WNK2: variants seen among roughly 807,000 people sequenced by gnomAD.
The protein encoded by WNK2 is WNK lysine deficient protein kinase 2.
Under a neutral mutation model 192.1 loss-of-function variants are expected in WNK2, and 67 were observed. That is an observed-to-expected ratio of 0.35 (90% CI 0.29 to 0.43). The LOEUF is 0.43. Ranked by LOEUF, WNK2 falls within the 20% of genes least tolerant of loss-of-function variation. WNK2 has a pLI of 1.00. For missense variants in WNK2, 2,698 were observed against 3,089.7 expected (o/e 0.87, Z 3.01); for synonymous variants, 1,439 against 1,393.9 (o/e 1.03, Z -0.72).
At chr9:93,289,874 C>A in intron 20 of WNK2, 104 bp from the exon 21 acceptor site, 2 of 1,223,466 alleles carry the variant, frequency 1.6e-6, no homozygotes, top group Admixed American at 2.2e-5. Flanking sequence ...GCTGGGGCAG[C>A]CCAGGGGCAG....
chr9:93,293,722 C>T lies in WNK2; in HGVS notation c.5708+549C>T, dbSNP rs1849754001. On this transcript the variant is annotated intron_variant, in intron 23 of 29. Transcript: ENST00000427277. ...GCTTCTGGCTTCTCTGGGTGCCATG[C>T]CTCCTCCTGCTGCACTTGGGGGTAT... 3.9e-5 allele frequency among the ~76,000 whole-genome samples: 6 copies of T among 152,128 alleles called. No homozygotes were observed. In the South Asian group the frequency reaches 8.3e-4, roughly 21 times the overall value.
chr9:93,292,598 G>C lies in WNK2; in HGVS notation c.5133G>C (p.Val1711=), dbSNP rs765497718. The C allele has an allele frequency of 1.4e-5, 22 of 1,580,162 alleles. No homozygotes were observed. In the Admixed American group the frequency reaches 3.8e-4, roughly 27 times the overall value. Residue 1711 remains valine (V), a synonymous_variant, in exon 23 of 30, where the codon GTG becomes GTC. Coordinates refer to ENST00000427277, the MANE Select transcript of WNK2 (RefSeq NM_006648.4). ...AEPPPSDMGT[V]GGQASHPQTL... ...CCCCGCCGAGTGACATGGGCACAGTGGGGGGCCAGGCTAGCCACCCCCAGA... is the reference window on the plus strand; with the variant it reads ...CCCCGCCGAGTGACATGGGCACAGTCGGGGGCCAGGCTAGCCACCCCCAGA...
chr9:93,252,965 C>G lies in WNK2; in HGVS notation c.1917C>G (p.Ser639=), dbSNP rs556029303. ...QSSQQSVMLG[S]LADAAPSPAQ... ...GCCAGCAGAGCGTGATGCTTGGCTCCCTTGCCGACGCAGCGCCGTCCCCGG... is the reference window on the plus strand; with the variant it reads ...GCCAGCAGAGCGTGATGCTTGGCTCGCTTGCCGACGCAGCGCCGTCCCCGG... Residue 639 remains serine, a synonymous_variant, in exon 9 of 30, where the codon TCC becomes TCG. Coordinates refer to ENST00000427277, the MANE Select transcript of WNK2 (RefSeq NM_006648.4). 6.3e-7 allele frequency: 1 copy of G among 1,575,902 alleles called. No individual in the cohort carries two copies. Among genetic ancestry groups the G allele is most frequent in the Admixed American group, 1.8e-5 (1 of 54,716 alleles).
chr9:93,238,407 G>A (rs1480799294), intron 6 of WNK2, 86 bp downstream of exon 6: 12 of 1,325,170 alleles, frequency 9.1e-6, no homozygotes, highest in Middle Eastern at 1.8e-4. Context: ...TTCTTGATGA[G>A]GGGACTTCAA....
intron 2 of WNK2, among the ~76,000 whole-genome samples, chr9:93,211,737 A>G (rs945679280): frequency 3.3e-5 from 5 of 151,894 alleles, no homozygotes; most frequent in Admixed American, 2.6e-4. Context: ...TTACTCATCC[A>G]GTCACTCATA....
At chr9:93,216,803 C>T (rs957450393) in intron 2 of WNK2, among the ~76,000 whole-genome samples, 12 of 114,772 alleles carry the variant, frequency 1.0e-4, no homozygotes, top group Admixed American at 2.1e-4. Context: ...GAGTGAGACT[C>T]GGTCTCAAAA....
chr9:93,285,104 A>G (rs1053261273), intron 19 of WNK2, among the ~76,000 whole-genome samples: 16 of 152,246 alleles, frequency 1.1e-4, no homozygotes, highest in African/African-American at 3.9e-4. Context: ...AAAGCAAGAT[A>G]ACTTCTTTGA....
intron 28 of WNK2, among the ~76,000 whole-genome samples, chr9:93,313,397 T>TAA (rs202199137): frequency 9.0e-5 from 13 of 144,156 alleles, no homozygotes; most frequent in African/African-American, 1.3e-4. Flanking sequence ...CCTGTATCTT[T>TAA]AAAAAAAAAA....
At chr9:93,223,310 C>T (rs73523697) in intron 2 of WNK2, among the ~76,000 whole-genome samples, 17,314 of 152,238 alleles carry the variant, frequency 0.11, 1,150 homozygotes, top group Middle Eastern at 0.18. Flanking sequence ...ACATAAACCA[C>T]CCACTGCTCA....
chr9:93,319,054 T>G (rs1855193346), intron 29 of WNK2: 1 of 1,596,178 alleles, frequency 6.3e-7, no homozygotes, highest in African/African-American at 1.3e-5. Flanking sequence ...TTCTCTGTAC[T>G]GGGCCCCCTT....
At chr9:93,258,274 T>C (rs577928942) in intron 11 of WNK2, among the ~76,000 whole-genome samples, 6 of 152,286 alleles carry the variant, frequency 3.9e-5, no homozygotes, top group African/African-American at 1.4e-4. Flanking sequence ...AGGAGGCACA[T>C]GTAATGCTGA....
In WNK2 at chr9:93,320,464, C is replaced by G. The variant is rs1404278249; in HGVS notation, c.*72C>G. On this transcript the variant is annotated 3_prime_UTR_variant, in exon 30 of 30. Coordinates refer to ENST00000427277, the MANE Select transcript of WNK2 (RefSeq NM_006648.4). ...TGACGGACCCTCAGGGCCAGCTGCT[C>G]CTCCTGTCCAGTTCACGCTGTTTTG... The G allele has an allele frequency of 7.4e-7, 1 of 1,353,874 alleles. No individual in the cohort carries two copies. The highest frequency in any genetic ancestry group is 9.9e-7 in the Non-Finnish European group (1 of 1,009,830). The allele number at this position is 1,353,874 out of a possible 1,614,324, so 83.9% of individuals were successfully genotyped here. A position where few individuals can be genotyped will look rare whatever the true frequency, so the allele number is the denominator to read the frequency against.
Position 93,268,714 on chromosome 9 carries a change from C to T in WNK2, c.4001C>T (p.Pro1334Leu). The change falls in exon 19 of 30, where the codon CCT becomes CTT. Residue 1334 changes from proline (P) to leucine (L), a missense_variant. By Grantham distance (98) the Pro-to-Leu change is moderately conservative. This residue lies in a region of WNK2 where 1,098 missense variants were observed against 1,101.0 expected (regional missense o/e 1.00). Transcript: ENST00000427277. ...PEAPESSPPLPLSSLPPEASQ... is the reference protein window; with the variant it reads ...PEAPESSPPLLLSSLPPEASQ... ...GCCCCTGAATCTTCGCCCCCACTTCCTCTAAGCTCCCTGCCGCCAGAAGCC... is the reference window on the plus strand; with the variant it reads ...GCCCCTGAATCTTCGCCCCCACTTCTTCTAAGCTCCCTGCCGCCAGAAGCC... 1.2e-6 allele frequency: 2 copies of T among 1,613,304 alleles called. No homozygotes were observed. Among genetic ancestry groups the T allele is most frequent in the Non-Finnish European group, 1.7e-6 (2 of 1,179,778 alleles).
intron 19 of WNK2, among the ~76,000 whole-genome samples, chr9:93,279,995 CAG>C (rs1471448662): frequency 6.6e-6 from 1 of 152,124 alleles, no homozygotes; most frequent in Non-Finnish European, 1.5e-5. Context: ...CTTGGGTCAG[CAG>C]AGATTTCTAA....
intron 19 of WNK2, among the ~76,000 whole-genome samples, chr9:93,269,177 A>G (rs1845671240): frequency 6.7e-6 from 1 of 149,724 alleles, no homozygotes; most frequent in African/African-American, 2.4e-5. Context: ...CTGATTTTAA[A>G]GTGTTCACAC....
At chr9:93,262,529 G>T in intron 13 of WNK2, 141 bp from the exon 14 acceptor site, 1 of 885,178 alleles carries the variant, frequency 1.1e-6, no homozygotes. Flanking sequence ...TACCCACCTG[G>T]CTGCAGAAGA....
chr9:93,277,505 T>C (rs1388877631), intron 19 of WNK2, among the ~76,000 whole-genome samples: 3 of 152,162 alleles, frequency 2.0e-5, no homozygotes, highest in African/African-American at 7.2e-5. Flanking sequence ...TATGGTACTT[T>C]GAAAAAGAAA....
At position 93,289,828 on chromosome 9, in the gene WNK2, G is replaced by A. The variant is rs555304053; in HGVS notation, c.4867-150G>A. On this transcript the variant is annotated intron_variant, in intron 20 of 29. Coordinates refer to ENST00000427277, the MANE Select transcript of WNK2 (RefSeq NM_006648.4). ...CTGTTTGGGGTCATGCTTGTGCAGCGTCAGGTGACTCAGCCCCATCCATGC... is the reference window on the plus strand; with the variant it reads ...CTGTTTGGGGTCATGCTTGTGCAGCATCAGGTGACTCAGCCCCATCCATGC... 64 of 873,608 alleles carry A rather than the reference G, an allele frequency of 7.3e-5. No individual in the cohort carries two copies. The African/African-American group carries it at 8.5e-4, about 12-fold the overall frequency. 54.1% of individuals were successfully genotyped at this position (873,608 alleles called of 1,614,324 possible). A position where few individuals can be genotyped will look rare whatever the true frequency, so the allele number is the denominator to read the frequency against.
chr9:93,205,527 A>T (rs1833195056), intron 2 of WNK2, among the ~76,000 whole-genome samples: 1 of 151,976 alleles, frequency 6.6e-6, no homozygotes, highest in Non-Finnish European at 1.5e-5. Context: ...CCGTCCCTGC[A>T]CCCTGTGCCT....
Sources: gnomAD v4.1 joint callset for allele counts (sites outside exome capture counted in the v4.1 genomes callset) on GRCh38, gnomAD v4.1.1 for gene constraint, gnomAD v4.1.1 regional missense constraint, MANE v1.5 for transcripts, NCBI Gene and HGNC (gene_info 2026-07-23, HGNC 2026-07-21) for gene names.